LMO7: variants seen among roughly 807,000 people sequenced by gnomAD.
The protein encoded by LMO7 is LIM domain 7.
In LMO7, 120 loss-of-function variants were observed where a neutral mutation model predicts 206.5. That is an observed-to-expected ratio of 0.58 (90% CI 0.50 to 0.68). LMO7 has a LOEUF of 0.68. Ranked by LOEUF, LMO7 falls within the 30% of genes least tolerant of loss-of-function variation. The pLI is 0.00. For missense variants in LMO7, 1,959 were observed against 1,957.9 expected, an observed-to-expected ratio of 1.00 and a Z score of -0.01; for synonymous variants, 706 against 681.5, an observed-to-expected ratio of 1.04 and a Z score of -0.56.
intron 4 of LMO7, among the ~76,000 whole-genome samples, chr13:75,769,390 CTT>C (rs2139972993): frequency 6.6e-6 from 1 of 152,032 alleles, no homozygotes; most frequent in South Asian, 2.1e-4. Context: ...ATTTTGAAGA[CTT>C]TGGTACTAGT....
At chr13:75,761,347 A>T (rs2048200683) in intron 4 of LMO7, among the ~76,000 whole-genome samples, 2 of 152,208 alleles carry the variant, frequency 1.3e-5, no homozygotes, top group Admixed American at 6.5e-5. Flanking sequence ...GGATACTCAT[A>T]AAGTGAATTT....
chr13:75,815,016 TTAACTC>T (rs549229776), intron 11 of LMO7, among the ~76,000 whole-genome samples: 17 of 152,064 alleles, frequency 1.1e-4, no homozygotes, highest in Non-Finnish European at 2.1e-4. Flanking sequence ...GAACCTGTCT[TTAACTC>T]TAATGAAATG....
intron 6 of LMO7, among the ~76,000 whole-genome samples, chr13:75,797,205 CCCA>C (rs1407168054): frequency 5.3e-5 from 8 of 152,170 alleles, no homozygotes; most frequent in Admixed American, 5.2e-4. Context: ...CTTTCATATC[CCCA>C]CAATTCTACC....
chr13:75,824,063 A>G (rs113307049), intron 15 of LMO7, among the ~76,000 whole-genome samples, 190 bp downstream of exon 15: 187 of 152,330 alleles, frequency 1.2e-3, no homozygotes, highest in African/African-American at 4.4e-3. Context: ...ATAGATCCAG[A>G]TAACACTTGT....
chr13:75,837,335 A>T (rs976418537), intron 19 of LMO7, among the ~76,000 whole-genome samples: 1 of 152,236 alleles, frequency 6.6e-6, no homozygotes, highest in East Asian at 1.9e-4. Context: ...TTTCTCTGTG[A>T]TGTTACATGT....
chr13:75,809,114 GA>G, intron 10 of LMO7, 39 bp from the exon 11 acceptor site: 2 of 1,525,796 alleles, frequency 1.3e-6, no homozygotes, highest in Non-Finnish European at 1.8e-6. Flanking sequence ...ATATGACTGG[GA>G]AAAATGACTT....
At chr13:75,771,181 A>G (rs1485675840) in intron 4 of LMO7, among the ~76,000 whole-genome samples, 2 of 152,120 alleles carry the variant, frequency 1.3e-5, no homozygotes, top group African/African-American at 4.8e-5. Flanking sequence ...TGGATGTATT[A>G]CAATGTGCCA....
chr13:75,732,191 G>C (rs1021529270), intron 3 of LMO7, among the ~76,000 whole-genome samples: 2 of 152,142 alleles, frequency 1.3e-5, no homozygotes, highest in African/African-American at 4.8e-5. Context: ...GATTGGGGAA[G>C]TTCTCCTGGA....
At chr13:75,802,485 T>C (rs1566491343) in intron 7 of LMO7, among the ~76,000 whole-genome samples, 1 of 152,168 alleles carries the variant, frequency 6.6e-6, no homozygotes, top group Non-Finnish European at 1.5e-5. Context: ...TTATATCTAG[T>C]CAAGGAATAA....
intron 4 of LMO7, among the ~76,000 whole-genome samples, chr13:75,780,345 T>A (rs762239825): frequency 2.6e-5 from 4 of 152,042 alleles, no homozygotes; most frequent in Non-Finnish European, 1.5e-5. Context: ...TTTAGAGGCC[T>A]CCCCCTGGGA....
At chr13:75,690,906 A>G (rs561988284) in intron 1 of LMO7, among the ~76,000 whole-genome samples, 147 of 152,296 alleles carry the variant, frequency 9.7e-4, no homozygotes, top group African/African-American at 2.4e-3. Flanking sequence ...AATTGCCACT[A>G]CTTTTTCTGA....
intron 1 of LMO7, among the ~76,000 whole-genome samples, chr13:75,711,635 A>G (rs1667644853): frequency 6.6e-6 from 1 of 151,576 alleles, no homozygotes; most frequent in South Asian, 2.1e-4. Flanking sequence ...TCCTGCACCC[A>G]CTCCCCAGTG....
chr13:75,800,214 A>G (rs574636787), intron 6 of LMO7, among the ~76,000 whole-genome samples: 109 of 152,234 alleles, frequency 7.2e-4, no homozygotes, highest in Non-Finnish European at 1.4e-3. Flanking sequence ...TATATAAGCC[A>G]TCACAAATAT....
At chr13:75,722,487 C>G (rs2044104703) in intron 2 of LMO7, among the ~76,000 whole-genome samples, 1 of 152,008 alleles carries the variant, frequency 6.6e-6, no homozygotes, top group African/African-American at 2.4e-5. Context: ...ATCAAAACCA[C>G]AGTGTAATAC....
intron 6 of LMO7, among the ~76,000 whole-genome samples, chr13:75,799,452 C>T (rs1403921633): frequency 2.0e-5 from 3 of 152,104 alleles, no homozygotes; most frequent in African/African-American, 7.2e-5. Flanking sequence ...TATTTCTCCC[C>T]CAAATACTCA....
At chr13:75,676,794 A>G (rs758984941) in intron 1 of LMO7, among the ~76,000 whole-genome samples, 8 of 152,176 alleles carry the variant, frequency 5.3e-5, no homozygotes, top group Non-Finnish European at 7.4e-5. Context: ...TTAAACAAAA[A>G]CAGTGATTCA....
intron 4 of LMO7, among the ~76,000 whole-genome samples, chr13:75,762,011 A>G (rs1362231321): frequency 6.6e-6 from 1 of 152,180 alleles, no homozygotes; most frequent in African/African-American, 2.4e-5. Flanking sequence ...CTGAAGAAAA[A>G]TAACCAGCTA....
chr13:75,670,655 G>A (rs2039481627), intron 1 of LMO7, among the ~76,000 whole-genome samples: 1 of 152,188 alleles, frequency 6.6e-6, no homozygotes, highest in Non-Finnish European at 1.5e-5. Context: ...ACCATGAATG[G>A]AGCTTGCAGG....
intron 1 of LMO7, among the ~76,000 whole-genome samples, chr13:75,695,108 C>G (rs541461145): frequency 1.3e-4 from 20 of 152,232 alleles, no homozygotes; most frequent in African/African-American, 4.3e-4. Context: ...TTCATTTGTC[C>G]ACCCATATTA....
Sources: gnomAD v4.1 joint callset for allele counts (sites outside exome capture counted in the v4.1 genomes callset) on GRCh38, gnomAD v4.1.1 for gene constraint, MANE v1.5 for transcripts, NCBI Gene and HGNC (gene_info 2026-07-23, HGNC 2026-07-21) for gene names.